FECH: variants seen among roughly 807,000 people sequenced by gnomAD.
FECH encodes ferrochelatase, also known as ferrochelatase, mitochondrial.
In FECH, 40 loss-of-function variants were observed where a neutral mutation model predicts 56.9. The observed-to-expected ratio is 0.70, with a 90% CI of 0.55 to 0.92. The LOEUF (loss-of-function observed/expected upper bound fraction) is 0.92, where lower values mean the gene tolerates loss of function less well. FECH is among the 40% of genes least tolerant of loss of function. The pLI is 0.00. For synonymous variants in FECH, 175 were observed against 198.6 expected (o/e 0.88, Z 1.00); for missense variants, 431 against 529.1 (o/e 0.81, Z 1.82).
rs886053975 is a variant in FECH at position 57,547,930 on chromosome 18, C to A, written c.*2782G>T. Among the ~76,000 whole-genome samples the A allele has an allele frequency of 9.9e-5, 15 of 152,122 alleles. No individual in the cohort carries two copies. On this transcript the variant is annotated 3_prime_UTR_variant, in exon 11 of 11. Coordinates refer to ENST00000262093, the MANE Select transcript of FECH (RefSeq NM_000140.5). ...GAATTACACATGTAAGGCACGGCAC[C>A]CAGCCTCACATTTAAAGGGCTTTTA...
chr18:57,571,254 G>A, intron 4 of FECH, 138 bp downstream of exon 4: 1 of 877,970 alleles, frequency 1.1e-6, no homozygotes, highest in Admixed American at 2.1e-5. Context: ...CCTAAATTAA[G>A]TGACCATGTA....
intron 3 of FECH, 133 bp downstream of exon 3, chr18:57,573,113 C>T: frequency 1.1e-6 from 1 of 939,848 alleles, no homozygotes; most frequent in Non-Finnish European, 1.7e-6. Context: ...TGATATCCAA[C>T]AGAAAACAAT....
Position 57,549,673 on chromosome 18 carries a change from C to G in FECH, c.*1039G>C, listed in dbSNP as rs185134664. 3 of 152,060 alleles carry G rather than the reference C, an allele frequency of 2.0e-5. No individual in the cohort carries two copies. The highest frequency in any genetic ancestry group is 7.2e-5 in the African/African-American group (3 of 41,382). The allele number at this position is 152,060 out of a possible 1,614,324, so 9.4% of individuals were successfully genotyped here. ...AAATATCTACAGGAAAGGACTACCACGAAATACAATATTATGATAACAGTT... is the reference window on the plus strand; with the variant it reads ...AAATATCTACAGGAAAGGACTACCAGGAAATACAATATTATGATAACAGTT... On this transcript the variant is annotated 3_prime_UTR_variant, in exon 11 of 11. Transcript: ENST00000262093.
chr18:57,571,963 C>G (rs183733444), intron 3 of FECH, among the ~76,000 whole-genome samples: 1 of 152,264 alleles, frequency 6.6e-6, no homozygotes, highest in East Asian at 1.9e-4. Flanking sequence ...CATATAGGAG[C>G]AAAGATGTAT....
chr18:57,551,107 C>T, intron 10 of FECH: 1 of 636,224 alleles, frequency 1.6e-6, no homozygotes, highest in East Asian at 2.7e-5. Context: ...GGTTTTAAAT[C>T]AGACATAGTT....
intron 1 of FECH, among the ~76,000 whole-genome samples, 197 bp downstream of exon 1, chr18:57,586,357 T>C (rs1184525642): frequency 6.6e-6 from 1 of 151,840 alleles, no homozygotes; most frequent in Admixed American, 6.5e-5. Context: ...CCGGGCGCCC[T>C]CCCCGCGGCC....
At chr18:57,580,239 A>C in intron 1 of FECH, 40 bp from the exon 2 acceptor site, 1 of 1,613,516 alleles carries the variant, frequency 6.2e-7, no homozygotes, top group African/African-American at 1.3e-5. Flanking sequence ...ATCTAGCTAG[A>C]AAGTAATTTC....
chr18:57,580,682 T>G (rs1599015591), intron 1 of FECH, among the ~76,000 whole-genome samples: 1 of 152,272 alleles, frequency 6.6e-6, no homozygotes, highest in East Asian at 1.9e-4. Flanking sequence ...AGTACTGCCC[T>G]TGAACCTTGA....
rs185134664 is a variant in FECH at position 57,549,673 on chromosome 18, C to T, written c.*1039G>A. The T allele has an allele frequency of 1.2e-4, 19 of 152,178 alleles. No individual in the cohort carries two copies. The highest frequency in any genetic ancestry group is 9.8e-4 in the Admixed American group (15 of 15,282). 9.4% of individuals were successfully genotyped at this position (152,178 alleles called of 1,614,324 possible). A position where few individuals can be genotyped will look rare whatever the true frequency, so the allele number is the denominator to read the frequency against. On this transcript the variant is annotated 3_prime_UTR_variant, in exon 11 of 11. Coordinates refer to ENST00000262093, the MANE Select transcript of FECH (RefSeq NM_000140.5). ...AAATATCTACAGGAAAGGACTACCA[C>T]GAAATACAATATTATGATAACAGTT...
chr18:57,559,394 C>T (rs1400604759), intron 6 of FECH, 151 bp from the exon 7 acceptor site: 8 of 623,094 alleles, frequency 1.3e-5, no homozygotes, highest in Non-Finnish European at 2.0e-5. Flanking sequence ...GCAAACAGTC[C>T]AGCCTCTCAG....
intron 1 of FECH, 71 bp from the exon 2 acceptor site, chr18:57,580,270 C>T: frequency 1.9e-6 from 3 of 1,566,212 alleles, no homozygotes; most frequent in East Asian, 4.5e-5. Context: ...GTCCTCAGAG[C>T]ATAATTCCTG....
In FECH at chr18:57,559,601, C is replaced by T. The variant is rs780097113; in HGVS notation, c.706-358G>A. Among the ~76,000 whole-genome samples, 11 of 152,170 alleles carry T rather than the reference C, an allele frequency of 7.2e-5. No individual in the cohort carries two copies. In the South Asian group the frequency reaches 1.2e-3, roughly 17 times the overall value. ...TTGTTTTAAGACCTCTCATTTGCTC[C>T]GTTAGCAGGAAAACAGCTTACAGGG... is the stretch of plus-strand genomic sequence containing the variant. On this transcript the variant is annotated intron_variant, in intron 6 of 10. Coordinates refer to ENST00000262093, the MANE Select transcript of FECH (RefSeq NM_000140.5).
At position 57,571,445 on chromosome 18, in the gene FECH, G is replaced by A; in HGVS notation, c.410C>T (p.Ser137Phe). 1.2e-6 allele frequency: 2 copies of A among 1,613,890 alleles called. No individual in the cohort carries two copies. The highest frequency in any genetic ancestry group is 1.7e-5 in the Admixed American group (1 of 59,990). Reference protein sequence around the residue: ...GGGSPIKIWTSKQGEGMVKLL... With the variant: ...GGGSPIKIWTFKQGEGMVKLL... ...CTTCACCATGCCCTCTCCCTGCTTGGAAGTCCATATCTTGATGGGGGATCC... is the reference window on the plus strand; with the variant it reads ...CTTCACCATGCCCTCTCCCTGCTTGAAAGTCCATATCTTGATGGGGGATCC... Residue 137 changes from serine (S) to phenylalanine (F), a missense_variant, in exon 4 of 11, where the codon TCC becomes TTC. By Grantham distance (155) the Ser-to-Phe change is radical. Transcript: ENST00000262093.
rs932104983 is a variant in FECH at position 57,550,366 on chromosome 18, G to A, written c.*346C>T. On this transcript the variant is annotated 3_prime_UTR_variant, in exon 11 of 11. Coordinates refer to ENST00000262093, the MANE Select transcript of FECH (RefSeq NM_000140.5). ...TGCCAGCCCACAGAGGGGACTCTCC[G>A]TACCCTTTCAGGAGGGTTTTGGGCA... 1.7e-4 allele frequency: 49 copies of A among 293,686 alleles called. No homozygotes were observed. The East Asian group carries it at 2.6e-3, about 16-fold the overall frequency. 18.2% of individuals were successfully genotyped at this position (293,686 alleles called of 1,614,324 possible).
chr18:57,584,441 C>A (rs910292383), intron 1 of FECH, among the ~76,000 whole-genome samples: 1 of 151,122 alleles, frequency 6.6e-6, no homozygotes, highest in African/African-American at 2.4e-5. Context: ...GTTATGACTT[C>A]ATGTTGTTGC....
chr18:57,584,319 C>T (rs556366597), intron 1 of FECH, among the ~76,000 whole-genome samples: 39 of 91,628 alleles, frequency 4.3e-4, no homozygotes, highest in Non-Finnish European at 6.2e-4. Flanking sequence ...GAGTGAGACT[C>T]GGTCTCAAAA....
At chr18:57,579,793 T>G (rs2051248241) in intron 2 of FECH, among the ~76,000 whole-genome samples, 1 of 152,246 alleles carries the variant, frequency 6.6e-6, no homozygotes, top group South Asian at 2.1e-4. Context: ...CATATATAAT[T>G]TGTGTTATGT....
At position 57,550,670 on chromosome 18, in the gene FECH, G is replaced by T. The variant is rs1162183325; in HGVS notation, c.*42C>A. Reference sequence around the variant, plus strand: ...CCTCTCCACATCGGAGGTATCTGGAGGTTGGGCATTTGCCTAACGCCACGG... The same window carrying T: ...CCTCTCCACATCGGAGGTATCTGGATGTTGGGCATTTGCCTAACGCCACGG... On this transcript the variant is annotated 3_prime_UTR_variant, in exon 11 of 11. Coordinates refer to ENST00000262093, the MANE Select transcript of FECH (RefSeq NM_000140.5). 6.2e-6 allele frequency: 10 copies of T among 1,613,366 alleles called. No individual in the cohort carries two copies. The highest frequency in any genetic ancestry group is 8.5e-6 in the Non-Finnish European group (10 of 1,179,754).
intron 3 of FECH, among the ~76,000 whole-genome samples, chr18:57,572,458 T>C (rs942504933): frequency 7.4e-6 from 1 of 134,442 alleles, no homozygotes; most frequent in Non-Finnish European, 1.5e-5. Flanking sequence ...ATATACCTAA[T>C]GTAAATGACG....
Sources: allele counts gnomAD v4.1 joint callset (sites outside exome capture counted in the v4.1 genomes callset), GRCh38; gene constraint gnomAD v4.1.1; transcripts MANE v1.5; gene names NCBI Gene and HGNC (gene_info 2026-07-23, HGNC 2026-07-21).